The following PHACTR3 variants were observed in gnomAD, a reference collection of about 807,000 sequenced individuals.
The protein encoded by PHACTR3 is phosphatase and actin regulator 3.
Under a neutral mutation model 66.8 loss-of-function variants are expected in PHACTR3, and 16 were observed. The ratio of observed to expected loss-of-function variants is 0.24; its 90% confidence interval spans 0.16 to 0.36. The LOEUF is 0.36. PHACTR3 is among the 10% of genes least tolerant of loss of function. The probability of loss-of-function intolerance (pLI) is 1.00; values close to 1 mark genes in which losing one functional copy is unlikely to be tolerated. For synonymous variants in PHACTR3, 323 were observed against 292.1 expected, an observed-to-expected ratio of 1.11 and a Z score of -1.08; for missense variants, 647 against 719.9, an observed-to-expected ratio of 0.90 and a Z score of 1.16.
upstream of PHACTR3, among the ~76,000 whole-genome samples, chr20:59,602,808 G>T (rs1030348812): frequency 1.3e-5 from 2 of 152,218 alleles, no homozygotes; most frequent in African/African-American, 2.4e-5. Context: ...ACCTTCCCAT[G>T]GGGCCAGTAC....
Position 59,829,348 on chromosome 20 carries a change from C to T in PHACTR3, c.1329-7157C>T, listed in dbSNP as rs958799799. On this transcript the variant is annotated intron_variant, in intron 8 of 12. Transcript: ENST00000371015. The surrounding 1 kb of genome is among the most constrained non-coding windows in gnomAD (Gnocchi z 4.2). ...CCATCCCCTCTGCCTGGATGCCCATCCCAGGTCTTTCCCTGGGCGGTTTCT... is the reference window on the plus strand; with the variant it reads ...CCATCCCCTCTGCCTGGATGCCCATTCCAGGTCTTTCCCTGGGCGGTTTCT... 6.6e-6 allele frequency among the ~76,000 whole-genome samples: 1 copy of T among 152,186 alleles called. No individual in the cohort carries two copies. Among genetic ancestry groups the T allele is most frequent in the Non-Finnish European group, 1.5e-5 (1 of 68,026 alleles).
At chr20:59,671,942 G>A (rs1037102197) in intron 1 of PHACTR3, among the ~76,000 whole-genome samples, 1 of 152,226 alleles carries the variant, frequency 6.6e-6, no homozygotes, top group Non-Finnish European at 1.5e-5. Flanking sequence ...GGGAGCAACC[G>A]TAGGCATGAG....
intron 7 of PHACTR3, among the ~76,000 whole-genome samples, chr20:59,793,991 G>A (rs948866120): frequency 2.0e-5 from 3 of 151,888 alleles, no homozygotes; most frequent in African/African-American, 4.8e-5. Flanking sequence ...AGGTGTGCTG[G>A]TGCATACCTG....
chr20:59,804,598 A>T (rs2041509492), intron 7 of PHACTR3, among the ~76,000 whole-genome samples: 1 of 152,206 alleles, frequency 6.6e-6, no homozygotes. Flanking sequence ...CAACTGAAAA[A>T]TGCCTGCAAC....
At chr20:59,591,223 C>T (rs1346802353) in intron 1 of PHACTR3, among the ~76,000 whole-genome samples, 2 of 152,186 alleles carry the variant, frequency 1.3e-5, no homozygotes, top group Non-Finnish European at 2.9e-5. Flanking sequence ...TCTCGTCCCT[C>T]GCACGGACAC....
chr20:59,653,176 C>T (rs753821667), intron 1 of PHACTR3, among the ~76,000 whole-genome samples: 21 of 150,858 alleles, frequency 1.4e-4, no homozygotes, highest in African/African-American at 4.4e-4. Flanking sequence ...TAGCTTAACC[C>T]GAGAAAGTAA....
rs111712900 is a variant in PHACTR3, at chr20:59,749,230, G to C, written c.358+1395G>C. On this transcript the variant is annotated intron_variant, in intron 3 of 12. Coordinates refer to ENST00000371015, the MANE Select transcript of PHACTR3 (RefSeq NM_080672.5). ...GGCATTTTGAATATGTTGCCAACAA[G>C]CATACCTTTGGATCTTAGGGAAGGA... Among the ~76,000 whole-genome samples the C allele has an allele frequency of 4.0e-4, 61 of 152,274 alleles. No individual in the cohort carries two copies. In the East Asian group the frequency reaches 9.8e-3, roughly 25 times the overall value.
At chr20:59,845,530 G>C (rs909193508) in intron 12 of PHACTR3, among the ~76,000 whole-genome samples, 6 of 152,002 alleles carry the variant, frequency 3.9e-5, no homozygotes, top group African/African-American at 1.4e-4. Context: ...AAGCCTCAAG[G>C]CAATGAAAGT....
chr20:59,782,175 G>A (rs142645525), intron 7 of PHACTR3, among the ~76,000 whole-genome samples: 2,442 of 152,300 alleles, frequency 0.016, 33 homozygotes, highest in Non-Finnish European at 0.024. Flanking sequence ...TCACACTGCT[G>A]ATAAAAACAT....
At chr20:59,773,492 A>T (rs1416494142) in intron 6 of PHACTR3, 39 bp downstream of exon 6, 2 of 1,547,620 alleles carry the variant, frequency 1.3e-6, no homozygotes, top group African/African-American at 2.7e-5. Flanking sequence ...GTGCTGCCAG[A>T]ATCCCTGCCT....
chr20:59,642,610 A>G (rs2035145874), intron 1 of PHACTR3, among the ~76,000 whole-genome samples: 2 of 151,932 alleles, frequency 1.3e-5, no homozygotes, highest in South Asian at 4.2e-4. Context: ...GCCACCATTT[A>G]TTTTCCCATT....
At chr20:59,627,524 G>A (rs2034500193) in intron 1 of PHACTR3, among the ~76,000 whole-genome samples, 1 of 152,186 alleles carries the variant, frequency 6.6e-6, no homozygotes, top group South Asian at 2.1e-4. Flanking sequence ...GCAGGATGGG[G>A]GTTGGGCAAA....
chr20:59,828,747 G>A (rs115775625), intron 8 of PHACTR3, among the ~76,000 whole-genome samples: 2,724 of 152,184 alleles, frequency 0.018, 68 homozygotes, highest in Middle Eastern at 0.065. Context: ...AGGGGTCACC[G>A]TAAACTGAAA....
intron 8 of PHACTR3, among the ~76,000 whole-genome samples, chr20:59,809,865 C>T (rs906814445): frequency 2.6e-5 from 4 of 152,136 alleles, no homozygotes; most frequent in Non-Finnish European, 4.4e-5. Flanking sequence ...AAATAGCCAG[C>T]GGTCCATTGG....
In PHACTR3 at chr20:59,738,411, C is replaced by CCCTG. The variant is rs141733951; in HGVS notation, c.119-4696_119-4695insCCTG. 6.6e-6 allele frequency among the ~76,000 whole-genome samples: 1 copy of CCCTG among 152,020 alleles called. No individual in the cohort carries two copies. Among genetic ancestry groups the CCCTG allele is most frequent in the Admixed American group, 6.6e-5 (1 of 15,264 alleles). ...ATTTTGTCCTAAATGAGAAGGGAAG[C>CCCTG]GAGCAGGAAGTGATAGGGTTAGAGC... On this transcript the variant is annotated intron_variant, in intron 1 of 12. Transcript: ENST00000371015. The surrounding 1 kb of genome is among the most constrained non-coding windows in gnomAD (Gnocchi z 4.4).
At chr20:59,754,537 C>A (rs1440765375) in intron 3 of PHACTR3, among the ~76,000 whole-genome samples, 1 of 152,204 alleles carries the variant, frequency 6.6e-6, no homozygotes, top group African/African-American at 2.4e-5. Flanking sequence ...GACACGTAGC[C>A]GGTGATCAGT....
intron 7 of PHACTR3, among the ~76,000 whole-genome samples, chr20:59,790,991 T>C (rs565440138): frequency 6.6e-6 from 1 of 152,338 alleles, no homozygotes; most frequent in Non-Finnish European, 1.5e-5. Flanking sequence ...CATATCTCCA[T>C]GAACTTTGGT....
At chr20:59,805,026 A>G (rs181467096) in intron 7 of PHACTR3, among the ~76,000 whole-genome samples, 70 of 152,312 alleles carry the variant, frequency 4.6e-4, no homozygotes, top group Admixed American at 4.6e-3. Flanking sequence ...CCTACATCGC[A>G]TGTAGATACT....
At position 59,736,328 on chromosome 20, in the gene PHACTR3, C is replaced by CTGGA. The variant is rs34785121; in HGVS notation, c.119-6779_119-6778insTGGA. ...GTGTTTGCACCTTCCAGAGTCTCTC[C>CTGGA]AGTGTGAGAAGGCAGTTCCTCAGGA... is the stretch of plus-strand genomic sequence containing the variant. On this transcript the variant is annotated intron_variant, in intron 1 of 12. Coordinates refer to ENST00000371015, the MANE Select transcript of PHACTR3 (RefSeq NM_080672.5). This position sits in a 1 kb window ranked among gnomAD's most constrained non-coding sequence, Gnocchi z 4.6. Among the ~76,000 whole-genome samples the CTGGA allele has an allele frequency of 0.072, 10,975 of 152,082 alleles. 1,303 individuals carry two copies. Among genetic ancestry groups the CTGGA allele is most frequent in the African/African-American group, 0.25 (10,288 of 41,406 alleles).
Sources: gnomAD v4.1 joint callset for allele counts (sites outside exome capture counted in the v4.1 genomes callset) on GRCh38, gnomAD v4.1.1 for gene constraint, Gnocchi (gnomAD v3.1) non-coding constraint, MANE v1.5 for transcripts, NCBI Gene and HGNC (gene_info 2026-07-23, HGNC 2026-07-21) for gene names.